Variants in SPG11 observed in about 807,000 individuals in gnomAD.
The protein encoded by SPG11 is SPG11 vesicle trafficking associated, spatacsin, also known as spatacsin.
A neutral mutation model predicts 274.0 loss-of-function variants in SPG11; 222 were observed. That is an observed-to-expected ratio of 0.81 (90% CI 0.73 to 0.91). The LOEUF (loss-of-function observed/expected upper bound fraction) is 0.91, where lower values mean the gene tolerates loss of function less well. Among genes scored for constraint, SPG11 ranks in the 40% least tolerant of loss-of-function variants. The pLI is 0.00. For missense variants in SPG11, 3,114 were observed against 2,872.7 expected (o/e 1.08, Z -1.92); for synonymous variants, 1,144 against 1,039.7 (o/e 1.10, Z -1.93).
chr15:44,605,445 G>A (rs149047154), intron 20 of SPG11, among the ~76,000 whole-genome samples: 31 of 152,130 alleles, frequency 2.0e-4, no homozygotes, highest in African/African-American at 7.5e-4. Context: ...TATAGGCAGA[G>A]GCACCACAGG....
At position 44,570,635 on chromosome 15, in the gene SPG11, G is replaced by A. The variant is rs1567129561; in HGVS notation, c.6367C>T (p.His2123Tyr). 1 of 1,614,064 alleles carries A rather than the reference G, an allele frequency of 6.2e-7. No individual in the cohort carries two copies. Among genetic ancestry groups the A allele is most frequent in the Non-Finnish European group, 8.5e-7 (1 of 1,180,000 alleles). The change falls in exon 34 of 40, where the codon CAT becomes TAT. Residue 2123 changes from histidine to tyrosine, a missense_variant. Coordinates refer to ENST00000261866, the MANE Select transcript of SPG11 (RefSeq NM_025137.4). Reference sequence around the variant, plus strand: ...TGGCACGTCAGGGTGAAGCAATGATGGGCCAGGATCAGGAGCTCTGTGGCT... The same window carrying A: ...TGGCACGTCAGGGTGAAGCAATGATAGGCCAGGATCAGGAGCTCTGTGGCT... ...SCTTELLILA[H>Y]HCFTLTCHME...
At chr15:44,563,763 A>G (rs954045499) in intron 39 of SPG11, among the ~76,000 whole-genome samples, 2 of 152,136 alleles carry the variant, frequency 1.3e-5, no homozygotes, top group Non-Finnish European at 2.9e-5. Context: ...AGTAACTAGG[A>G]CTACAAGTGT....
intron 4 of SPG11, 36 bp from the exon 5 acceptor site, chr15:44,652,302 T>C: frequency 1.9e-6 from 3 of 1,612,318 alleles, no homozygotes; most frequent in Non-Finnish European, 2.5e-6. Flanking sequence ...TATGAAAAAA[T>C]GATGATCAAA....
In SPG11 at chr15:44,651,871, C is replaced by T; in HGVS notation, c.1076G>A (p.Cys359Tyr). The T allele has an allele frequency of 1.2e-6, 2 of 1,613,504 alleles. No homozygotes were observed. Among genetic ancestry groups the T allele is most frequent in the South Asian group, 1.1e-5 (1 of 91,066 alleles). Residue 359 changes from cysteine to tyrosine, a missense_variant, in exon 6 of 40, where the codon TGT becomes TAT. Physicochemically the swap from Cys to Tyr is radical, Grantham distance 194. Coordinates refer to ENST00000261866, the MANE Select transcript of SPG11 (RefSeq NM_025137.4). ...CAAAATATCCTGGAACCATGGAGCA[C>T]AACAGGAAACCTCCAGTTTGGAGTT... ...IKNSKLEVSC[C>Y]APWFQDILHL...
chr15:44,662,202 T>C (rs1398980238), intron 1 of SPG11, among the ~76,000 whole-genome samples: 2 of 152,182 alleles, frequency 1.3e-5, no homozygotes, highest in Admixed American at 6.5e-5. Context: ...TTCGAGCAAC[T>C]AGACATCAAG....
Position 44,660,467 on chromosome 15 carries a change from T to G in SPG11, c.407A>C (p.Glu136Ala). ...DATILYSCSR[E>A]ALQKLIDDQD... The stretch of plus-strand genomic sequence containing the variant: ...ATCGTCAATGAGCTTTTGCAATGCC[T>G]CCCTACTACAGCTATACAAAATGGT... The change falls in exon 2 of 40, where the codon GAG (glutamate) becomes GCG (alanine). Residue 136 changes from glutamate to alanine, a missense_variant. Transcript: ENST00000261866. 1 of 1,614,084 alleles carries G rather than the reference T, an allele frequency of 6.2e-7. No individual in the cohort carries two copies. Among genetic ancestry groups the G allele is most frequent in the South Asian group, 1.1e-5 (1 of 91,082 alleles).
chr15:44,618,777 G>A (rs572053501), intron 15 of SPG11, among the ~76,000 whole-genome samples: 53 of 151,006 alleles, frequency 3.5e-4, no homozygotes, highest in South Asian at 2.1e-3. Flanking sequence ...CCAATATCAC[G>A]TCCCTGCACT....
At chr15:44,632,679 T>A (rs1346279410) in intron 8 of SPG11, among the ~76,000 whole-genome samples, 1 of 152,106 alleles carries the variant, frequency 6.6e-6, no homozygotes, top group Non-Finnish European at 1.5e-5. Flanking sequence ...AACTAATTTT[T>A]AAAATTCTTT....
At chr15:44,639,445 C>T (rs1404343947) in intron 7 of SPG11, among the ~76,000 whole-genome samples, 3 of 151,978 alleles carry the variant, frequency 2.0e-5, no homozygotes, top group African/African-American at 4.8e-5. Context: ...GGTTCACGCC[C>T]GTAATCCCAG....
chr15:44,600,618 G>A lies in SPG11; in HGVS notation c.3535C>T (p.Leu1179Phe), dbSNP rs1238379023. 4 of 1,614,030 alleles carry A rather than the reference G, an allele frequency of 2.5e-6. No homozygotes were observed. The highest frequency in any genetic ancestry group is 3.4e-6 in the Non-Finnish European group (4 of 1,179,938). ...TLAIGDAWSH[L>F]PHFSSPDLVN... ...AGGTCAGGGCTAGAGAAATGTGGGA[G>A]ATGACTCCATGCATCTAGGGGGAAA... Residue 1179 changes from leucine to phenylalanine, a missense_variant, in exon 21 of 40, where the codon CTC (leucine) becomes TTC (phenylalanine). Coordinates refer to ENST00000261866, the MANE Select transcript of SPG11 (RefSeq NM_025137.4).
In SPG11 at chr15:44,569,400, G is replaced by C; in HGVS notation, c.6583C>G (p.Pro2195Ala). 1 of 1,598,100 alleles carries C rather than the reference G, an allele frequency of 6.3e-7. No homozygotes were observed. The highest frequency in any genetic ancestry group is 8.5e-7 in the Non-Finnish European group (1 of 1,170,548). ...FEVLMRKKLD[P>A]SGTLKTALLD... ...GGAGCTCATTACTTTGCACCTACCG[G>C]ATCCAACTTCTTCCTCATTAGCACT... The change falls in exon 35 of 40, where the codon CCG (proline) becomes GCG (alanine). Residue 2195 changes from proline to alanine, a missense_variant and splice_region_variant. Coordinates refer to ENST00000261866, the MANE Select transcript of SPG11 (RefSeq NM_025137.4).
intron 7 of SPG11, among the ~76,000 whole-genome samples, chr15:44,639,547 A>G (rs2084380239): frequency 6.6e-6 from 1 of 152,032 alleles, no homozygotes; most frequent in Non-Finnish European, 1.5e-5. Flanking sequence ...TACAAAAAAT[A>G]AAAAAATTAG....
intron 4 of SPG11, among the ~76,000 whole-genome samples, chr15:44,654,801 G>A (rs563296556): frequency 2.3e-4 from 35 of 151,552 alleles, no homozygotes; most frequent in Middle Eastern, 3.4e-3. Context: ...GCACCATTGC[G>A]CTCCATCCCG....
chr15:44,573,210 C>T (rs2082460318), intron 32 of SPG11: 3 of 506,894 alleles, frequency 5.9e-6, no homozygotes, highest in Admixed American at 3.3e-5. Flanking sequence ...TGGTCTCTAT[C>T]TCCTGACCTC....
chr15:44,579,505 C>T (rs750402038), intron 30 of SPG11, among the ~76,000 whole-genome samples: 5 of 118,980 alleles, frequency 4.2e-5, no homozygotes, highest in African/African-American at 1.0e-4. Flanking sequence ...CTAGCATGGG[C>T]GATAGAGTGA....
intron 7 of SPG11, among the ~76,000 whole-genome samples, chr15:44,639,193 A>C (rs559137118): frequency 2.6e-4 from 40 of 152,092 alleles, no homozygotes; most frequent in Non-Finnish European, 2.1e-4. Context: ...ATACCCATTC[A>C]TGATAAAACC....
chr15:44,588,649 T>C (rs892592692), intron 28 of SPG11: 7 of 441,538 alleles, frequency 1.6e-5, no homozygotes, highest in Admixed American at 2.4e-5. Context: ...CTTTAGTTGA[T>C]AGCAAAAAAG....
intron 17 of SPG11, among the ~76,000 whole-genome samples, chr15:44,611,873 T>C (rs1288532600): frequency 6.8e-6 from 1 of 146,614 alleles, no homozygotes; most frequent in Non-Finnish European, 1.5e-5. Context: ...TGGAGCTATC[T>C]TGGCTCACTG....
At chr15:44,647,124 A>T (rs2084632696) in intron 7 of SPG11, among the ~76,000 whole-genome samples, 1 of 152,198 alleles carries the variant, frequency 6.6e-6, no homozygotes, top group South Asian at 2.1e-4. Flanking sequence ...TTTGACAGAC[A>T]TTTCTCCAAA....
Sources: gnomAD v4.1 joint callset for allele counts (sites outside exome capture counted in the v4.1 genomes callset) on GRCh38, gnomAD v4.1.1 for gene constraint, MANE v1.5 for transcripts, NCBI Gene and HGNC (gene_info 2026-07-23, HGNC 2026-07-21) for gene names.